DACH2: variants seen among roughly 807,000 people sequenced by gnomAD.
The protein encoded by DACH2 is dachshund family transcription factor 2, also known as dachshund homolog 2.
Under a neutral mutation model 35.8 loss-of-function variants are expected in DACH2, and 17 were observed. The ratio of observed to expected loss-of-function variants is 0.48; its 90% CI spans 0.33 to 0.71. The LOEUF (loss-of-function observed/expected upper bound fraction) is 0.71. DACH2 is among the 30% of genes least tolerant of loss of function. DACH2 has a pLI of 0.02. For missense variants in DACH2, 469 were observed against 472.7 expected, an observed-to-expected ratio of 0.99 and a Z score of 0.07; for synonymous variants, 195 against 177.3, an observed-to-expected ratio of 1.10 and a Z score of -0.79.
chrX:86,571,580 C>T (rs1238533121), intron 3 of DACH2, among the ~76,000 whole-genome samples: 1 of 110,428 alleles, frequency 9.1e-6, no homozygotes, highest in Non-Finnish European at 1.9e-5. Context: ...CATGTTCTCA[C>T]TCATAGGTGG....
intron 3 of DACH2, among the ~76,000 whole-genome samples, chrX:86,550,061 T>C (rs1211448735): frequency 9.0e-6 from 1 of 111,465 alleles, no homozygotes; most frequent in Non-Finnish European, 1.9e-5. Context: ...GTATTGATAA[T>C]TGTAACCCTT....
chrX:86,769,399 C>T (rs932114354), intron 7 of DACH2, among the ~76,000 whole-genome samples: 1 of 112,244 alleles, frequency 8.9e-6, no homozygotes, highest in Non-Finnish European at 1.9e-5. Flanking sequence ...CAATCTCTAT[C>T]AAACTACCAC....
chrX:86,582,227 T>C lies in DACH2; in HGVS notation c.640+67836T>C, dbSNP rs1342592689. 2.7e-5 allele frequency among the ~76,000 whole-genome samples: 3 copies of C among 111,126 alleles called. No individual in the cohort carries two copies. The Admixed American group carries it at 2.9e-4, about 11-fold the overall frequency. On this transcript the variant is annotated intron_variant, in intron 3 of 11. Coordinates refer to ENST00000373125, the MANE Select transcript of DACH2 (RefSeq NM_053281.3). ...CAGGAGTGTTATAGAGGAAAATTTATAGCACTAAATGCCCACATCAAAAAG... is the reference window on the plus strand; with the variant it reads ...CAGGAGTGTTATAGAGGAAAATTTACAGCACTAAATGCCCACATCAAAAAG...
chrX:86,624,390 C>G (rs1674765143), intron 3 of DACH2, among the ~76,000 whole-genome samples: 1 of 111,757 alleles, frequency 8.9e-6, no homozygotes, highest in Non-Finnish European at 1.9e-5. Context: ...GGCACATAAA[C>G]TATACTAAGA....
At chrX:86,232,804 G>A (rs936503954) in intron 1 of DACH2, among the ~76,000 whole-genome samples, 1 of 112,045 alleles carries the variant, frequency 8.9e-6, no homozygotes, top group African/African-American at 3.2e-5. Flanking sequence ...AGAGCTAAAA[G>A]TAGAACTATC....
chrX:86,443,075 T>C (rs975748582), intron 2 of DACH2, among the ~76,000 whole-genome samples: 4 of 111,926 alleles, frequency 3.6e-5, no homozygotes, highest in Non-Finnish European at 3.8e-5. Flanking sequence ...TGTAGTTCCA[T>C]ATAATTTTTA....
intron 1 of DACH2, chrX:86,184,358 C>A: frequency 7.4e-6 from 1 of 135,172 alleles, no homozygotes; most frequent in South Asian, 1.4e-4. Context: ...CAGGTACATG[C>A]CACCATGCCT....
At chrX:86,356,535 C>T (rs111515475) in intron 1 of DACH2, among the ~76,000 whole-genome samples, 4,673 of 110,608 alleles carry the variant, frequency 0.042, 116 homozygotes, top group East Asian at 0.21. Context: ...GGGTTCCATG[C>T]GAATTTTAGA....
At chrX:86,731,468 A>G (rs2148473390) in intron 6 of DACH2, among the ~76,000 whole-genome samples, 1 of 111,909 alleles carries the variant, frequency 8.9e-6, no homozygotes, top group Non-Finnish European at 1.9e-5. Context: ...CAAAGCAAAC[A>G]ACAAAAACTT....
At chrX:86,273,815 C>T (rs900066012) in intron 1 of DACH2, among the ~76,000 whole-genome samples, 5 of 111,979 alleles carry the variant, frequency 4.5e-5, no homozygotes, top group African/African-American at 1.6e-4. Flanking sequence ...TCATTCTGGT[C>T]TAGTGGGATT....
At chrX:86,422,048 A>G (rs2036812059) in intron 2 of DACH2, among the ~76,000 whole-genome samples, 1 of 111,338 alleles carries the variant, frequency 9.0e-6, no homozygotes, top group South Asian at 3.7e-4. Flanking sequence ...GTATGTAGGA[A>G]CTACTCAGTG....
intron 5 of DACH2, among the ~76,000 whole-genome samples, chrX:86,703,354 C>T (rs191770670): frequency 1.9e-4 from 21 of 111,408 alleles, no homozygotes; most frequent in Admixed American, 1.7e-3. Context: ...CCCATAAGAA[C>T]TGGAACGAGA....
intron 2 of DACH2, among the ~76,000 whole-genome samples, chrX:86,474,240 A>T (rs983312873): frequency 3.6e-5 from 4 of 111,322 alleles, no homozygotes; most frequent in African/African-American, 1.3e-4. Context: ...GAGTTGTTTG[A>T]GCTCCTTATA....
chrX:86,780,520 A>T (rs2042079926), intron 7 of DACH2, among the ~76,000 whole-genome samples: 1 of 112,246 alleles, frequency 8.9e-6, no homozygotes. Context: ...TGGAAAATTT[A>T]CAACAATATT....
intron 1 of DACH2, among the ~76,000 whole-genome samples, chrX:86,358,232 C>T: frequency 9.0e-6 from 1 of 111,097 alleles, no homozygotes; most frequent in Admixed American, 9.7e-5. Flanking sequence ...TTCTGTCTTT[C>T]AGCCAAGTTG....
chrX:86,726,921 G>T lies in DACH2; in HGVS notation c.1104+12201G>T, dbSNP rs137902700. 4.6e-3 allele frequency among the ~76,000 whole-genome samples: 515 copies of T among 111,959 alleles called. 3 individuals carry two copies. Among genetic ancestry groups the T allele is most frequent in the African/African-American group, 0.016 (503 of 30,832 alleles). Reference sequence around the variant, plus strand: ...GTTTTTGGGGTTTCCATCAGTCTCTGCTGAATTTTAGTTTTCTCTTTTAGA... The same window carrying T: ...GTTTTTGGGGTTTCCATCAGTCTCTTCTGAATTTTAGTTTTCTCTTTTAGA... On this transcript the variant is annotated intron_variant, in intron 6 of 11. Transcript: ENST00000373125.
At chrX:86,405,056 C>T (rs759738387) in intron 2 of DACH2, among the ~76,000 whole-genome samples, 1 of 111,574 alleles carries the variant, frequency 9.0e-6, no homozygotes, top group South Asian at 3.8e-4. Flanking sequence ...CCCAAGGCTG[C>T]ACATGGCAGG....
rs140173645 is a variant in DACH2 at position 86,808,284 on chromosome X, C to A, written c.1241-4572C>A. On this transcript the variant is annotated intron_variant, in intron 7 of 11. Transcript: ENST00000373125. ...TTCCAATACATGATTTATAAAGGAG[C>A]CTGTTATGTGAAATTGCTAATCTAA... 3.4e-4 allele frequency among the ~76,000 whole-genome samples: 38 copies of A among 111,783 alleles called. No homozygotes were observed. The East Asian group carries it at 9.3e-3, about 27-fold the overall frequency.
chrX:86,739,934 A>C (rs756777689), intron 7 of DACH2, 52 bp downstream of exon 7: 2 of 1,103,805 alleles, frequency 1.8e-6, no homozygotes, highest in South Asian at 4.5e-5. Context: ...TCTGGAAATT[A>C]GTTGTTAGGA....
Sources: allele counts gnomAD v4.1 joint callset (sites outside exome capture counted in the v4.1 genomes callset), GRCh38; gene constraint gnomAD v4.1.1; transcripts MANE v1.5; gene names NCBI Gene and HGNC (gene_info 2026-07-23, HGNC 2026-07-21).